ACTR3C: variants seen among roughly 807,000 people sequenced by gnomAD.
The protein encoded by ACTR3C is actin-related protein 3C.
Under a neutral mutation model 26.3 loss-of-function variants are expected in ACTR3C, and 18 were observed. The observed-to-expected ratio is 0.68, with a 90% CI of 0.47 to 1.01. The LOEUF (loss-of-function observed/expected upper bound fraction) is 1.01, where lower values mean the gene tolerates loss of function less well. Ranked by LOEUF, ACTR3C falls within the 50% of genes least tolerant of loss-of-function variation. The pLI is 0.00. For missense variants in ACTR3C, 184 were observed against 250.7 expected (o/e 0.73, Z 1.80); for synonymous variants, 55 against 94.5 (o/e 0.58, Z 2.42).
chr7:150,158,203 A>G, the ACTR3C span, among the ~76,000 whole-genome samples: 6 of 152,196 alleles, frequency 3.9e-5, no homozygotes, highest in Admixed American at 1.3e-4. Context: ...AGTGTTGGTG[A>G]GGACGTGAAG....
At chr7:150,010,382 A>T in the ACTR3C span, among the ~76,000 whole-genome samples, 3 of 152,254 alleles carry the variant, frequency 2.0e-5, no homozygotes, top group South Asian at 6.2e-4. Flanking sequence ...TGTTATATGT[A>T]TGGGTGAGAT....
At chr7:150,048,836 C>T in the ACTR3C span, among the ~76,000 whole-genome samples, 2 of 152,114 alleles carry the variant, frequency 1.3e-5, no homozygotes, top group Non-Finnish European at 2.9e-5. Flanking sequence ...CAGCTCCCTC[C>T]GAAACCGCCC....
At chr7:150,063,393 T>A in the ACTR3C span, among the ~76,000 whole-genome samples, 2 of 151,046 alleles carry the variant, frequency 1.3e-5, no homozygotes, top group South Asian at 4.1e-4. Flanking sequence ...AGTGAACACT[T>A]CAGAATACCA....
At chr7:150,083,110 T>A in the ACTR3C span, among the ~76,000 whole-genome samples, 1 of 151,074 alleles carries the variant, frequency 6.6e-6, no homozygotes, top group African/African-American at 2.4e-5. Flanking sequence ...CATGCCCAAC[T>A]AAGTTTTTGA....
At chr7:150,221,978 A>T in the ACTR3C span, among the ~76,000 whole-genome samples, 6 of 145,242 alleles carry the variant, frequency 4.1e-5, no homozygotes, top group Admixed American at 6.8e-5. Flanking sequence ...AGCCTGGGCA[A>T]CAGAGAGAGA....
intron 1 of ACTR3C, among the ~76,000 whole-genome samples, chr7:150,310,698 G>A (rs1042414297): frequency 2.0e-5 from 3 of 152,014 alleles, no homozygotes; most frequent in Admixed American, 1.3e-4. Context: ...CAACTCACCT[G>A]GACTGTCCTA....
the ACTR3C span, among the ~76,000 whole-genome samples, chr7:150,147,482 C>T: frequency 7.9e-5 from 12 of 151,924 alleles, no homozygotes; most frequent in African/African-American, 2.9e-4. Flanking sequence ...TATAATTTAC[C>T]ATATTTACCA....
chr7:150,119,724 C>T, the ACTR3C span, among the ~76,000 whole-genome samples: 1 of 152,148 alleles, frequency 6.6e-6, no homozygotes, highest in East Asian at 1.9e-4. Flanking sequence ...CAGCTCTGGA[C>T]CAAGTGGACT....
chr7:150,234,540 G>A, the ACTR3C span, among the ~76,000 whole-genome samples: 2 of 152,102 alleles, frequency 1.3e-5, no homozygotes, highest in Non-Finnish European at 2.9e-5. Context: ...GTGACCCCAG[G>A]AGTTTATCAC....
rs138643337 is a variant in ACTR3C, at chr7:150,277,455, T to C, written c.564+7298A>G. On this transcript the variant is annotated intron_variant, in intron 6 of 7. Coordinates refer to ENST00000683684, the MANE Select transcript of ACTR3C (RefSeq NM_001164458.2). ...AGGCTAAGGCCGTCTTGTCCTCACC[T>C]GTTACTCTCCCTTGGTGACATCCAT... is the stretch of plus-strand genomic sequence containing the variant. Among the ~76,000 whole-genome samples, 359 of 152,346 alleles carry C rather than the reference T, an allele frequency of 2.4e-3. 1 individual carries two copies. Among genetic ancestry groups the C allele is most frequent in the African/African-American group, 8.3e-3 (344 of 41,574 alleles).
chr7:150,323,492 C>T lies in ACTR3C; in HGVS notation c.-75G>A. 2.4e-6 allele frequency: 1 copy of T among 421,388 alleles called. No homozygotes were observed. The highest frequency in any genetic ancestry group is 4.7e-6 in the Non-Finnish European group (1 of 213,588). The allele number at this position is 421,388 out of a possible 1,614,324, so 26.1% of individuals were successfully genotyped here. A position where few individuals can be genotyped will look rare whatever the true frequency, so the allele number is the denominator to read the frequency against. ...ACCTGCCGAGGAGGCGCCGGCTCTG[C>T]GGTGCGGAGTTGCGCCGGACTTCCC... On this transcript the variant is annotated 5_prime_UTR_variant, in exon 1 of 8. Coordinates refer to ENST00000683684, the MANE Select transcript of ACTR3C (RefSeq NM_001164458.2).
the ACTR3C span, among the ~76,000 whole-genome samples, chr7:149,973,821 C>T: frequency 1.4e-5 from 2 of 147,556 alleles, no homozygotes; most frequent in East Asian, 2.0e-4. Context: ...AAACAGTGCC[C>T]GAGGATCTGT....
the ACTR3C span, among the ~76,000 whole-genome samples, chr7:150,128,608 G>C: frequency 1.3e-5 from 2 of 151,480 alleles, no homozygotes; most frequent in Non-Finnish European, 2.9e-5. Flanking sequence ...TGCCATTTCT[G>C]TCCTTCACTC....
chr7:150,265,943 T>C (rs1184564065), intron 6 of ACTR3C, among the ~76,000 whole-genome samples: 2 of 152,118 alleles, frequency 1.3e-5, no homozygotes. Context: ...GAACGTTCTT[T>C]TACGTTACCA....
the ACTR3C span, among the ~76,000 whole-genome samples, chr7:150,216,120 CAGAGA>C: frequency 1.3e-5 from 2 of 151,188 alleles, no homozygotes; most frequent in African/African-American, 4.8e-5. Context: ...CTCTTGAAAG[CAGAGA>C]AAAGAGAAAA....
chr7:150,152,213 G>C, the ACTR3C span, among the ~76,000 whole-genome samples: 1 of 152,136 alleles, frequency 6.6e-6, no homozygotes, highest in Admixed American at 6.5e-5. Context: ...TCCCTGTCTT[G>C]TGCCAGTTTT....
chr7:150,041,688 A>T, the ACTR3C span, among the ~76,000 whole-genome samples: 1 of 75,976 alleles, frequency 1.3e-5, no homozygotes, highest in Admixed American at 1.6e-4. Flanking sequence ...AGAGGGGATA[A>T]CTCTCAGTCC....
At chr7:150,039,227 G>A in the ACTR3C span, among the ~76,000 whole-genome samples, 22 of 147,644 alleles carry the variant, frequency 1.5e-4, no homozygotes, top group Middle Eastern at 3.6e-3. Flanking sequence ...GGTCCTAAGA[G>A]CCAGTGGGGG....
the ACTR3C span, among the ~76,000 whole-genome samples, chr7:149,937,785 T>A: frequency 6.6e-6 from 1 of 152,130 alleles, no homozygotes; most frequent in Non-Finnish European, 1.5e-5. Flanking sequence ...CAAGTGAATA[T>A]GCAGGAAGGT....
Sources: allele counts gnomAD v4.1 joint callset (sites outside exome capture counted in the v4.1 genomes callset), GRCh38; gene constraint gnomAD v4.1.1; transcripts MANE v1.5; gene names NCBI Gene and HGNC (gene_info 2026-07-23, HGNC 2026-07-21).